Variants in FILIP1L observed in about 807,000 individuals in gnomAD.
The protein encoded by FILIP1L is filamin A-interacting protein 1-like.
FILIP1L carries 55 observed loss-of-function variants against 96.6 expected under a neutral mutation model. The observed-to-expected ratio is 0.57, with a 90% CI of 0.46 to 0.71. The LOEUF is 0.71. Among genes scored for constraint, FILIP1L ranks in the 30% least tolerant of loss-of-function variants. The probability of loss-of-function intolerance (pLI) is 0.00; values close to 1 mark genes in which losing one functional copy is unlikely to be tolerated. For missense variants in FILIP1L, 1,304 were observed against 1,321.2 expected (o/e 0.99, Z 0.20); for synonymous variants, 467 against 473.9 (o/e 0.99, Z 0.19).
At chr3:100,067,577 G>T (rs1302210946) in intron 1 of FILIP1L, among the ~76,000 whole-genome samples, 2 of 152,156 alleles carry the variant, frequency 1.3e-5, no homozygotes, top group African/African-American at 4.8e-5. Context: ...TCAGATACAG[G>T]TTTATTTAAT....
intron 1 of FILIP1L, among the ~76,000 whole-genome samples, chr3:99,936,698 G>A (rs1707686939): frequency 6.7e-6 from 1 of 150,148 alleles, no homozygotes; most frequent in Non-Finnish European, 1.5e-5. Flanking sequence ...TAAATCACTT[G>A]CCAAAGGTCA....
intron 4 of FILIP1L, among the ~76,000 whole-genome samples, chr3:99,866,034 C>T (rs1395256603): frequency 1.3e-5 from 2 of 151,978 alleles, no homozygotes; most frequent in Non-Finnish European, 2.9e-5. Flanking sequence ...TAATATGATT[C>T]CTTCTCTTAA....
chr3:100,062,586 G>A (rs147569689), intron 1 of FILIP1L, among the ~76,000 whole-genome samples: 2 of 152,204 alleles, frequency 1.3e-5, no homozygotes, highest in African/African-American at 4.8e-5. Context: ...TTTGTGTGTT[G>A]GCATATGCAT....
At chr3:99,861,096 C>T (rs1576522833) in intron 4 of FILIP1L, among the ~76,000 whole-genome samples, 1 of 152,070 alleles carries the variant, frequency 6.6e-6, no homozygotes, top group East Asian at 1.9e-4. Context: ...CCCACCACCA[C>T]TCTGAATTGG....
rs183697516 is a variant in FILIP1L at position 100,051,463 on chromosome 3, G to A, written c.-11+62590C>T. ...GTTGGTGTGCTGCACTCATTAACTC[G>A]TCATTTAACATTAGGTATATCTCCT... On this transcript the variant is annotated intron_variant, in intron 1 of 5. Coordinates refer to ENST00000477258, the MANE Select transcript of FILIP1L (RefSeq NM_001387850.1). Among the ~76,000 whole-genome samples, 678 of 150,276 alleles carry A rather than the reference G, an allele frequency of 4.5e-3. 7 individuals are homozygous for A. The highest frequency in any genetic ancestry group is 0.016 in the African/African-American group (661 of 40,886).
intron 1 of FILIP1L, among the ~76,000 whole-genome samples, chr3:100,016,646 G>A (rs1241143294): frequency 6.6e-6 from 1 of 152,192 alleles, no homozygotes; most frequent in Non-Finnish European, 1.5e-5. Flanking sequence ...TAAAATAGGA[G>A]TACACTAGGA....
chr3:99,958,550 G>A (rs915318714), intron 1 of FILIP1L, among the ~76,000 whole-genome samples: 3 of 152,150 alleles, frequency 2.0e-5, no homozygotes, highest in Non-Finnish European at 4.4e-5. Flanking sequence ...AGGGTAGGAG[G>A]AATTCCACGG....
At chr3:99,929,513 AGT>A (rs10629410) in intron 3 of FILIP1L, among the ~76,000 whole-genome samples, 2,354 of 147,956 alleles carry the variant, frequency 0.016, 30 homozygotes, top group East Asian at 0.038. Flanking sequence ...AAGTTCCCAG[AGT>A]GTGTGTGTGT....
chr3:100,090,050 A>C (rs1039060215), intron 1 of FILIP1L, among the ~76,000 whole-genome samples: 1 of 152,204 alleles, frequency 6.6e-6, no homozygotes, highest in Non-Finnish European at 1.5e-5. Context: ...GGAGCCACAG[A>C]AAACTTCACT....
chr3:99,847,740 G>A (rs1943432078), intron 5 of FILIP1L, among the ~76,000 whole-genome samples: 1 of 152,164 alleles, frequency 6.6e-6, no homozygotes, highest in Non-Finnish European at 1.5e-5. Context: ...TCAAAGAGAT[G>A]TAATTTTTAT....
intron 1 of FILIP1L, among the ~76,000 whole-genome samples, chr3:100,003,555 G>A (rs1012763811): frequency 7.2e-5 from 11 of 152,190 alleles, no homozygotes; most frequent in African/African-American, 2.4e-4. Flanking sequence ...CTTAGCTAAT[G>A]TGTGTCAGAA....
chr3:100,069,792 G>A (rs1362662432), intron 1 of FILIP1L, among the ~76,000 whole-genome samples: 2 of 152,130 alleles, frequency 1.3e-5, no homozygotes, highest in Non-Finnish European at 2.9e-5. Context: ...AGAATGGAGG[G>A]CCAGTCTATT....
intron 1 of FILIP1L, among the ~76,000 whole-genome samples, chr3:100,096,262 A>T (rs114748258): frequency 0.011 from 1,663 of 152,258 alleles, 19 homozygotes; most frequent in Non-Finnish European, 0.014. Context: ...ACTACTAGGT[A>T]CATACCCCAA....
rs114312362 is a variant in FILIP1L at position 100,045,414 on chromosome 3, A to C, written c.-11+68639T>G. Among the ~76,000 whole-genome samples, 664 of 152,328 alleles carry C rather than the reference A, an allele frequency of 4.4e-3. 7 individuals carry two copies. The highest frequency in any genetic ancestry group is 0.013 in the African/African-American group (556 of 41,562). ...AAGAGTGAATAAAGGAATGAACATA[A>C]ATCTGTGAAAATATGTGTATAAAAT... On this transcript the variant is annotated intron_variant, in intron 1 of 5. Transcript: ENST00000477258.
At chr3:100,095,897 A>G (rs896733936) in intron 1 of FILIP1L, among the ~76,000 whole-genome samples, 2 of 152,186 alleles carry the variant, frequency 1.3e-5, no homozygotes, top group African/African-American at 4.8e-5. Context: ...TAACTGCAGT[A>G]TATAAGGAGC....
chr3:100,017,262 C>T (rs1017043847), intron 1 of FILIP1L, among the ~76,000 whole-genome samples: 27 of 152,134 alleles, frequency 1.8e-4, no homozygotes, highest in Admixed American at 9.8e-4. Flanking sequence ...TTATACAGAG[C>T]GGAAAGCACT....
intron 1 of FILIP1L, among the ~76,000 whole-genome samples, chr3:99,982,158 T>G (rs981247645): frequency 1.3e-5 from 2 of 152,158 alleles, no homozygotes; most frequent in Admixed American, 6.5e-5. Flanking sequence ...TGCTATATAT[T>G]TCGGTATATG....
intron 1 of FILIP1L, among the ~76,000 whole-genome samples, chr3:100,061,240 C>T (rs916833510): frequency 6.6e-6 from 1 of 152,098 alleles, no homozygotes; most frequent in African/African-American, 2.4e-5. Flanking sequence ...ACAAGTGATC[C>T]CTCTGTACAC....
chr3:100,005,548 G>C (rs534501313), intron 1 of FILIP1L, among the ~76,000 whole-genome samples: 23 of 152,332 alleles, frequency 1.5e-4, no homozygotes, highest in African/African-American at 5.3e-4. Context: ...TGTGAGTGTA[G>C]TGTAATAAAC....
Sources: gnomAD v4.1 joint callset for allele counts (sites outside exome capture counted in the v4.1 genomes callset) on GRCh38, gnomAD v4.1.1 for gene constraint, MANE v1.5 for transcripts, NCBI Gene and HGNC (gene_info 2026-07-23, HGNC 2026-07-21) for gene names.